The following PEX5L variants were observed in gnomAD, a reference collection of about 807,000 sequenced individuals.
PEX5L encodes PEX5-related protein.
Under a neutral mutation model 84.0 loss-of-function variants are expected in PEX5L, and 30 were observed. The ratio of observed to expected loss-of-function variants is 0.36; its 90% CI spans 0.27 to 0.48. The LOEUF (loss-of-function observed/expected upper bound fraction) is 0.48, where lower values mean the gene tolerates loss of function less well. Among genes scored for constraint, PEX5L ranks in the 20% least tolerant of loss-of-function variants. The probability of loss-of-function intolerance (pLI) is 0.99; values close to 1 mark genes in which losing one functional copy is unlikely to be tolerated. For missense variants in PEX5L, 533 were observed against 754.6 expected (o/e 0.71, Z 3.44); for synonymous variants, 270 against 283.1 (o/e 0.95, Z 0.46).
chr3:179,954,506 A>C (rs1458039639), intron 2 of PEX5L, among the ~76,000 whole-genome samples: 2 of 152,030 alleles, frequency 1.3e-5, no homozygotes, highest in Admixed American at 6.6e-5. Context: ...CCGGCAGGGG[A>C]TTTCTGGGAC....
intron 9 of PEX5L, 96 bp from the exon 10 acceptor site, chr3:179,816,100 T>C: frequency 8.3e-7 from 1 of 1,205,256 alleles, no homozygotes; most frequent in Non-Finnish European, 1.2e-6. Context: ...AAACAACAGA[T>C]GCTGGAGAGA....
At chr3:179,973,681 C>T (rs781529119) in intron 1 of PEX5L, 93 of 985,276 alleles carry the variant, frequency 9.4e-5, no homozygotes, top group Non-Finnish European at 8.9e-5. Flanking sequence ...GAACATCATT[C>T]GAAACTGCAA....
At chr3:179,819,795 CT>C (rs1318989550) in intron 9 of PEX5L, 64 bp downstream of exon 9, 1 of 1,373,484 alleles carries the variant, frequency 7.3e-7, no homozygotes, top group East Asian at 2.3e-5. Flanking sequence ...ATTGACTAAT[CT>C]ATAAAATATG....
At chr3:179,908,516 C>G (rs140511174) in intron 2 of PEX5L, among the ~76,000 whole-genome samples, 1 of 152,126 alleles carries the variant, frequency 6.6e-6, no homozygotes, top group Admixed American at 6.5e-5. Context: ...ATGTGCACAA[C>G]GTGCAGGTTT....
intron 14 of PEX5L, among the ~76,000 whole-genome samples, chr3:179,805,643 T>C (rs1206873026): frequency 6.6e-6 from 1 of 152,234 alleles, no homozygotes; most frequent in Non-Finnish European, 1.5e-5. Flanking sequence ...TAACATCCCA[T>C]GCAATATTTG....
intron 5 of PEX5L, among the ~76,000 whole-genome samples, chr3:179,876,209 C>T (rs1483766211): frequency 2.6e-5 from 4 of 151,962 alleles, no homozygotes; most frequent in East Asian, 1.9e-4. Flanking sequence ...ATAAAAAGAT[C>T]GGGCCAGGTG....
At chr3:179,913,576 T>A (rs1765917366) in intron 2 of PEX5L, among the ~76,000 whole-genome samples, 1 of 152,152 alleles carries the variant, frequency 6.6e-6, no homozygotes, top group African/African-American at 2.4e-5. Context: ...AGTTTGAGCT[T>A]TTCTTTGAAA....
chr3:179,948,773 C>A (rs187343688), intron 2 of PEX5L, among the ~76,000 whole-genome samples: 3 of 152,260 alleles, frequency 2.0e-5, no homozygotes, highest in Admixed American at 2.0e-4. Flanking sequence ...TTTCTCTCTG[C>A]GGAAGCAGTC....
At chr3:179,840,786 GAGA>G (rs1736950388) in intron 8 of PEX5L, among the ~76,000 whole-genome samples, 1 of 152,154 alleles carries the variant, frequency 6.6e-6, no homozygotes, top group African/African-American at 2.4e-5. Flanking sequence ...ACTGCAGTGT[GAGA>G]AGATCATGGT....
intron 10 of PEX5L, among the ~76,000 whole-genome samples, chr3:179,814,512 T>C (rs951914567): frequency 1.6e-4 from 24 of 152,210 alleles, no homozygotes; most frequent in African/African-American, 4.8e-4. Context: ...CTATTCTACA[T>C]TGCATTCTCA....
At chr3:179,945,787 G>C (rs1482763260) in intron 2 of PEX5L, among the ~76,000 whole-genome samples, 1 of 152,168 alleles carries the variant, frequency 6.6e-6, no homozygotes, top group Non-Finnish European at 1.5e-5. Flanking sequence ...GCTCTGATAG[G>C]AAAGTCTATG....
At chr3:180,002,958 G>A (rs1346772143) in intron 1 of PEX5L, among the ~76,000 whole-genome samples, 2 of 152,070 alleles carry the variant, frequency 1.3e-5, no homozygotes, top group East Asian at 1.9e-4. Context: ...AATTTGGAGC[G>A]TATTTTATCT....
intron 8 of PEX5L, 25 bp downstream of exon 8, chr3:179,859,037 A>G (rs185912936): frequency 2.6e-6 from 4 of 1,524,410 alleles, no homozygotes; most frequent in Admixed American, 3.3e-5. Flanking sequence ...ATGAAACAGA[A>G]AAAACTAATT....
intron 1 of PEX5L, among the ~76,000 whole-genome samples, chr3:179,999,372 C>T (rs983027112): frequency 5.3e-5 from 8 of 152,146 alleles, no homozygotes; most frequent in African/African-American, 1.7e-4. Flanking sequence ...CTGTCATCGC[C>T]CAATGGTCCC....
intron 12 of PEX5L, among the ~76,000 whole-genome samples, chr3:179,809,073 CAAAAAAAAAAAA>C (rs10684376): frequency 4.2e-5 from 2 of 47,772 alleles, no homozygotes; most frequent in African/African-American, 8.1e-5. Context: ...GATTCCGCCT[CAAAAAAAAAAAA>C]AAAAAAAAAA....
chr3:179,902,718 T>TA, intron 2 of PEX5L: 1 of 455,932 alleles, frequency 2.2e-6, no homozygotes, highest in South Asian at 1.6e-5. Flanking sequence ...ATTCCACAGT[T>TA]ACACAGGCCA....
chr3:179,807,945 G>GTCTCCATCC, intron 13 of PEX5L, 114 bp from the exon 14 acceptor site: 1 of 930,000 alleles, frequency 1.1e-6, no homozygotes, highest in Non-Finnish European at 1.6e-6. Context: ...AGTGCTCATG[G>GTCTCCATCC]ATGGAGACCA....
At chr3:180,023,736 T>G (rs983050134) in intron 1 of PEX5L, among the ~76,000 whole-genome samples, 2 of 149,902 alleles carry the variant, frequency 1.3e-5, no homozygotes, top group Non-Finnish European at 3.0e-5. Context: ...TTATTCACCT[T>G]TCACCACTCA....
intron 14 of PEX5L, among the ~76,000 whole-genome samples, chr3:179,803,455 G>C (rs1302691920): frequency 6.6e-6 from 1 of 152,142 alleles, no homozygotes; most frequent in Non-Finnish European, 1.5e-5. Context: ...CACCAAGTCT[G>C]AGACAAGCCG....
Sources: allele counts gnomAD v4.1 joint callset (sites outside exome capture counted in the v4.1 genomes callset), GRCh38; gene constraint gnomAD v4.1.1; transcripts MANE v1.5; gene names NCBI Gene and HGNC (gene_info 2026-07-23, HGNC 2026-07-21).